Variants in SETX observed in about 807,000 individuals in gnomAD.
SETX encodes the protein senataxin, also known as helicase senataxin.
A neutral mutation model predicts 227.2 loss-of-function variants in SETX; 90 were observed. The ratio of observed to expected loss-of-function variants is 0.40; its 90% confidence interval spans 0.33 to 0.47. SETX has a LOEUF of 0.47. Ranked by LOEUF, SETX falls within the 20% of genes least tolerant of loss-of-function variation. The probability of loss-of-function intolerance (pLI) is 0.91; values close to 1 mark genes in which losing one functional copy is unlikely to be tolerated. For missense variants in SETX, 3,052 were observed against 3,181.5 expected, an observed-to-expected ratio of 0.96 and a Z score of 0.98; for synonymous variants, 1,210 against 1,113.2, an observed-to-expected ratio of 1.09 and a Z score of -1.73.
intron 11 of SETX, among the ~76,000 whole-genome samples, chr9:132,308,618 T>G (rs966218602): frequency 6.6e-6 from 1 of 152,214 alleles, no homozygotes; most frequent in Non-Finnish European, 1.5e-5. Context: ...AGCTCTTATT[T>G]TTTAGAGATA....
chr9:132,265,889 A>G (rs1453168360), intron 25 of SETX, among the ~76,000 whole-genome samples: 1 of 152,140 alleles, frequency 6.6e-6, no homozygotes, highest in African/African-American at 2.4e-5. Context: ...GGATTTCTAA[A>G]GGCCTCCCAA....
upstream of SETX, among the ~76,000 whole-genome samples, chr9:132,356,554 GTCTTACAGTTAATAGA>G (rs1394495308): frequency 6.6e-6 from 1 of 152,128 alleles, no homozygotes; most frequent in Non-Finnish European, 1.5e-5. Context: ...CAGCGTCACC[GTCTTACAGTTAATAGA>G]GGAGACAGGG....
At chr9:132,322,139 G>A (rs781153236) in intron 10 of SETX, among the ~76,000 whole-genome samples, 2 of 152,094 alleles carry the variant, frequency 1.3e-5, no homozygotes, top group African/African-American at 2.4e-5. Flanking sequence ...AGTATCTGAA[G>A]ATTTCATGTT....
chr9:132,348,697 G>A (rs557789957), intron 3 of SETX, among the ~76,000 whole-genome samples: 110 of 151,922 alleles, frequency 7.2e-4, no homozygotes, highest in African/African-American at 2.5e-3. Flanking sequence ...GGGCCAAACC[G>A]GAAGGATCAC....
intron 11 of SETX, among the ~76,000 whole-genome samples, chr9:132,302,877 G>A (rs890706781): frequency 6.6e-6 from 1 of 152,030 alleles, no homozygotes; most frequent in Non-Finnish European, 1.5e-5. Flanking sequence ...AGAAAACGGT[G>A]TTTAAAAGCA....
chr9:132,264,392 C>T lies in SETX; in HGVS notation c.7881G>A (p.Glu2627=), dbSNP rs751816010. ...TCQSKCDDPE[E]ELCHRREARA... ...TGGCCTCTCTCCTGTGACAGAGCTC[C>T]TCTTCCGGGTCATCACATTTGCTCT... Residue 2627 remains glutamate (E), a synonymous_variant, in exon 26 of 26, where the codon GAG becomes GAA. Coordinates refer to ENST00000224140, the MANE Select transcript of SETX (RefSeq NM_015046.7). The T allele has an allele frequency of 5.0e-6, 8 of 1,614,066 alleles. No homozygotes were observed. Among genetic ancestry groups the T allele is most frequent in the Non-Finnish European group, 6.8e-6 (8 of 1,180,052 alleles).
At chr9:132,298,428 T>C in intron 12 of SETX, 116 bp from the exon 13 acceptor site, 1 of 898,522 alleles carries the variant, frequency 1.1e-6, no homozygotes, top group Non-Finnish European at 1.8e-6. Flanking sequence ...ATTTACATAA[T>C]TTACCCAGTA....
chr9:132,267,868 CCAG>C (rs1399567677), intron 25 of SETX, among the ~76,000 whole-genome samples: 2 of 152,226 alleles, frequency 1.3e-5, no homozygotes, highest in African/African-American at 4.8e-5. Context: ...CCTCATCCAT[CCAG>C]AGTGCACTGC....
At chr9:132,337,712 T>C (rs1428272078) in intron 5 of SETX, among the ~76,000 whole-genome samples, 2 of 152,214 alleles carry the variant, frequency 1.3e-5, no homozygotes, top group African/African-American at 4.8e-5. Context: ...TCTTGATTAC[T>C]GTACAATCAA....
rs367841058 is a variant in SETX at position 132,326,911 on chromosome 9, C to T, written c.4687G>A (p.Glu1563Lys). 2.5e-6 allele frequency: 4 copies of T among 1,614,160 alleles called. 1 individual carries two copies. In the Admixed American group the frequency reaches 6.7e-5, roughly 27 times the overall value. ...DCLETTKNQG[E>K]YCPKHSEVKA... The stretch of plus-strand genomic sequence containing the variant: ...ACTTCAGAGTGTTTTGGGCAGTATT[C>T]ACCCTGGTTTTTTGTGGTTTCAAGA... Residue 1563 changes from glutamate (E) to lysine (K), a missense_variant, in exon 10 of 26, where the codon GAA becomes AAA. Physicochemically the swap from Glu to Lys is moderately conservative, Grantham distance 56 (BLOSUM62 1). Coordinates refer to ENST00000224140, the MANE Select transcript of SETX (RefSeq NM_015046.7).
At chr9:132,314,519 C>T (rs1845853890) in intron 10 of SETX, among the ~76,000 whole-genome samples, 2 of 152,192 alleles carry the variant, frequency 1.3e-5, no homozygotes, top group East Asian at 1.9e-4. Flanking sequence ...CCACCAAGCC[C>T]GGCTAGCTTT....
intron 23 of SETX, among the ~76,000 whole-genome samples, chr9:132,273,172 T>TTG (rs1211464659): frequency 4.6e-5 from 7 of 152,014 alleles, no homozygotes; most frequent in African/African-American, 1.4e-4. Flanking sequence ...TGGTTTTTTT[T>TTG]TTGTTTTGAG....
At chr9:132,332,367 C>T (rs1847291710) in intron 7 of SETX, among the ~76,000 whole-genome samples, 1 of 152,264 alleles carries the variant, frequency 6.6e-6, no homozygotes, top group Non-Finnish European at 1.5e-5. Flanking sequence ...ATTAAACATT[C>T]CCCCACTTCA....
At chr9:132,265,151 A>G (rs988137173) in intron 25 of SETX, among the ~76,000 whole-genome samples, 166 bp from the exon 26 acceptor site, 1 of 150,684 alleles carries the variant, frequency 6.6e-6, no homozygotes, top group African/African-American at 2.5e-5. Context: ...AATAAATTCA[A>G]ATAAAAAATG....
In SETX at chr9:132,319,162, T is replaced by A. The variant is rs111445759; in HGVS notation, c.5274+7162A>T. 2.8e-3 allele frequency among the ~76,000 whole-genome samples: 427 copies of A among 152,302 alleles called. 4 individuals are homozygous for A. Among genetic ancestry groups the A allele is most frequent in the African/African-American group, 0.01 (418 of 41,572 alleles). On this transcript the variant is annotated intron_variant, in intron 10 of 25. Transcript: ENST00000224140. Reference sequence around the variant, plus strand: ...ACATCAGTTCTATCACCAAGTCTTCTAAGTACTCTCTCCAAAATTTACCCC... The same window carrying A: ...ACATCAGTTCTATCACCAAGTCTTCAAAGTACTCTCTCCAAAATTTACCCC...
rs77781523 is a variant in SETX at position 132,340,455 on chromosome 9, C to T, written c.498+2235G>A. On this transcript the variant is annotated intron_variant, in intron 5 of 25. Transcript: ENST00000224140. ...TTCACTCTGGGGTACTGGCTCCTATCAGGCGGTGCCTATGGAAGGCCAGAC... is the reference window on the plus strand; with the variant it reads ...TTCACTCTGGGGTACTGGCTCCTATTAGGCGGTGCCTATGGAAGGCCAGAC... Among the ~76,000 whole-genome samples, 524 of 152,342 alleles carry T rather than the reference C, an allele frequency of 3.4e-3. 1 individual carries two copies. The highest frequency in any genetic ancestry group is 5.5e-3 in the Non-Finnish European group (376 of 68,034).
intron 10 of SETX, among the ~76,000 whole-genome samples, chr9:132,316,546 CTTCG>C (rs1248913807): frequency 6.6e-6 from 1 of 152,150 alleles, no homozygotes; most frequent in Admixed American, 6.5e-5. Flanking sequence ...TTGATATTTT[CTTCG>C]TTTAGTTTTA....
intron 5 of SETX, among the ~76,000 whole-genome samples, chr9:132,338,752 C>T (rs1847791176): frequency 6.6e-6 from 1 of 151,912 alleles, no homozygotes; most frequent in Non-Finnish European, 1.5e-5. Flanking sequence ...ATATGATTAT[C>T]TTCAATTTTT....
intron 20 of SETX, 99 bp from the exon 21 acceptor site, chr9:132,278,356 C>T (rs773487665): frequency 3.0e-4 from 341 of 1,139,418 alleles, no homozygotes; most frequent in Non-Finnish European, 4.1e-4. Flanking sequence ...TATATGGCAA[C>T]GTTCAGGTAG....
Sources: allele counts gnomAD v4.1 joint callset (sites outside exome capture counted in the v4.1 genomes callset), GRCh38; gene constraint gnomAD v4.1.1; transcripts MANE v1.5; gene names NCBI Gene and HGNC (gene_info 2026-07-23, HGNC 2026-07-21).